The following SPOCK3 variants were observed in gnomAD, a reference collection of about 807,000 sequenced individuals.
The protein encoded by SPOCK3 is testican-3.
In SPOCK3, 30 loss-of-function variants were observed where a neutral mutation model predicts 56.6. The observed-to-expected ratio is 0.53, with a 90% CI of 0.40 to 0.72. The LOEUF (loss-of-function observed/expected upper bound fraction) is 0.72, where lower values mean the gene tolerates loss of function less well. SPOCK3 is among the 30% of genes least tolerant of loss of function. The probability of loss-of-function intolerance (pLI) is 0.00; values close to 1 mark genes in which losing one functional copy is unlikely to be tolerated. For synonymous variants in SPOCK3, 196 were observed against 183.3 expected (o/e 1.07, Z -0.56); for missense variants, 527 against 530.0 (o/e 0.99, Z 0.06).
At chr4:166,953,076 T>G (rs1742891346) in intron 4 of SPOCK3, among the ~76,000 whole-genome samples, 2 of 151,546 alleles carry the variant, frequency 1.3e-5, no homozygotes, top group Admixed American at 6.6e-5. Flanking sequence ...AAGCCAAAAT[T>G]GACAAATGGG....
chr4:166,917,480 T>C (rs754485718), intron 4 of SPOCK3, among the ~76,000 whole-genome samples: 1 of 152,140 alleles, frequency 6.6e-6, no homozygotes, highest in Non-Finnish European at 1.5e-5. Context: ...CTGAACATTT[T>C]CTGAAATTGG....
In SPOCK3 at chr4:166,744,047, A is replaced by G. The variant is rs545121962; in HGVS notation, c.932-1988T>C. 1.1e-4 allele frequency among the ~76,000 whole-genome samples: 16 copies of G among 152,314 alleles called. No individual in the cohort carries two copies. The East Asian group carries it at 2.9e-3, about 28-fold the overall frequency. On this transcript the variant is annotated intron_variant, in intron 8 of 10. Transcript: ENST00000357545. Reference sequence around the variant, plus strand: ...TGAGGGCAGGGCATAGCTGAACAAAAGGCAACAGAAACTTCTGCAGACTTA... The same window carrying G: ...TGAGGGCAGGGCATAGCTGAACAAAGGGCAACAGAAACTTCTGCAGACTTA...
intron 2 of SPOCK3, among the ~76,000 whole-genome samples, chr4:167,213,835 A>G (rs1240182603): frequency 6.6e-6 from 1 of 151,820 alleles, no homozygotes; most frequent in Non-Finnish European, 1.5e-5. Flanking sequence ...AACATATCAG[A>G]TCACAATACC....
intron 3 of SPOCK3, among the ~76,000 whole-genome samples, chr4:167,046,044 T>A (rs974888361): frequency 6.6e-6 from 1 of 152,174 alleles, no homozygotes; most frequent in Non-Finnish European, 1.5e-5. Flanking sequence ...TCTTTATTTC[T>A]TTACTTTAGC....
intron 2 of SPOCK3, among the ~76,000 whole-genome samples, chr4:167,062,997 G>T (rs971984031): frequency 6.6e-6 from 1 of 151,730 alleles, no homozygotes; most frequent in Non-Finnish European, 1.5e-5. Flanking sequence ...TATTAATTTA[G>T]CAGGGAAAAT....
At chr4:167,121,611 C>T (rs532682781) in intron 2 of SPOCK3, among the ~76,000 whole-genome samples, 7 of 152,000 alleles carry the variant, frequency 4.6e-5, no homozygotes, top group African/African-American at 1.7e-4. Flanking sequence ...TGATAGAATC[C>T]CTCATATTAT....
chr4:166,847,647 T>TTA (rs147015731), intron 6 of SPOCK3, among the ~76,000 whole-genome samples: 7,480 of 55,146 alleles, frequency 0.14, 640 homozygotes, highest in Middle Eastern at 0.28. Flanking sequence ...AAATCCTAGT[T>TTA]TATATATATA....
intron 2 of SPOCK3, among the ~76,000 whole-genome samples, chr4:167,198,468 T>C (rs1042212845): frequency 4.7e-4 from 71 of 152,258 alleles, no homozygotes; most frequent in African/African-American, 1.6e-3. Context: ...TCTACGCAAA[T>C]ATGCCCACAC....
intron 2 of SPOCK3, among the ~76,000 whole-genome samples, chr4:167,225,628 C>T (rs1445810856): frequency 1.3e-5 from 2 of 151,944 alleles, no homozygotes; most frequent in African/African-American, 4.8e-5. Flanking sequence ...TAAATAGGAA[C>T]GTTTTTCTGT....
intron 2 of SPOCK3, among the ~76,000 whole-genome samples, chr4:167,205,164 A>G (rs1490178103): frequency 2.7e-5 from 3 of 112,354 alleles, no homozygotes; most frequent in Admixed American, 2.7e-4. Flanking sequence ...ATATATATAT[A>G]ATATATATTA....
At chr4:166,787,071 A>T (rs1198941325) in intron 7 of SPOCK3, among the ~76,000 whole-genome samples, 1 of 152,210 alleles carries the variant, frequency 6.6e-6, no homozygotes, top group Non-Finnish European at 1.5e-5. Flanking sequence ...TAGACCAAAC[A>T]GATGTAAATA....
intron 4 of SPOCK3, among the ~76,000 whole-genome samples, chr4:166,980,080 C>G (rs779520387): frequency 2.8e-4 from 42 of 152,304 alleles, no homozygotes; most frequent in South Asian, 4.1e-4. Context: ...GATGGCACAC[C>G]TTCAGAGACC....
At chr4:167,080,727 T>C (rs897161774) in intron 2 of SPOCK3, among the ~76,000 whole-genome samples, 12 of 151,862 alleles carry the variant, frequency 7.9e-5, no homozygotes, top group African/African-American at 2.4e-4. Flanking sequence ...CTACCCGAGA[T>C]AGAAAAATAA....
intron 8 of SPOCK3, among the ~76,000 whole-genome samples, chr4:166,752,160 G>C (rs1186498044): frequency 6.6e-6 from 1 of 151,804 alleles, no homozygotes; most frequent in African/African-American, 2.4e-5. Flanking sequence ...AAGTAGCTAG[G>C]ACTACAGGCA....
chr4:167,072,755 A>T (rs1218140561), intron 2 of SPOCK3, among the ~76,000 whole-genome samples: 1 of 151,904 alleles, frequency 6.6e-6, no homozygotes, highest in African/African-American at 2.4e-5. Flanking sequence ...TTTTAGAAAA[A>T]GTAATCACGA....
chr4:166,968,542 G>A (rs1157886155), intron 4 of SPOCK3, among the ~76,000 whole-genome samples: 1 of 152,240 alleles, frequency 6.6e-6, no homozygotes, highest in Admixed American at 6.5e-5. Context: ...TGTTGCTTCA[G>A]TAGTTGCAAG....
chr4:166,877,030 G>C (rs1733164550), intron 6 of SPOCK3, among the ~76,000 whole-genome samples: 1 of 151,976 alleles, frequency 6.6e-6, no homozygotes, highest in South Asian at 2.1e-4. Context: ...TCAGTGAAGG[G>C]ATACACACAT....
intron 8 of SPOCK3, among the ~76,000 whole-genome samples, chr4:166,747,820 A>C (rs1473918218): frequency 9.2e-5 from 14 of 152,144 alleles, no homozygotes; most frequent in Middle Eastern, 3.4e-3. Flanking sequence ...CAAAAATCAC[A>C]AGCATTCTTA....
chr4:167,018,756 G>A (rs1467153263), intron 3 of SPOCK3, among the ~76,000 whole-genome samples: 1 of 151,836 alleles, frequency 6.6e-6, no homozygotes, highest in East Asian at 1.9e-4. Context: ...CAGGTGGTCT[G>A]TTTGGTCCAT....
Sources: gnomAD v4.1 joint callset for allele counts (sites outside exome capture counted in the v4.1 genomes callset) on GRCh38, gnomAD v4.1.1 for gene constraint, MANE v1.5 for transcripts, NCBI Gene and HGNC (gene_info 2026-07-23, HGNC 2026-07-21) for gene names.